BRWD1: variants seen among roughly 807,000 people sequenced by gnomAD.
BRWD1 encodes the protein bromodomain and WD repeat-containing protein 1.
Under a neutral mutation model 251.2 loss-of-function variants are expected in BRWD1, and 82 were observed. The ratio of observed to expected loss-of-function variants is 0.33; its 90% CI spans 0.27 to 0.39. The LOEUF is 0.39. BRWD1 is among the 10% of genes least tolerant of loss of function. BRWD1 has a pLI of 1.00. For missense variants in BRWD1, 2,233 were observed against 2,711.6 expected, an observed-to-expected ratio of 0.82 and a Z score of 3.92; for synonymous variants, 918 against 902.8, an observed-to-expected ratio of 1.02 and a Z score of -0.30.
chr21:39,185,295 T>TTAAAAAAAAAAAAAA (rs369755854), downstream of BRWD1: 1 of 71,838 alleles, frequency 1.4e-5, no homozygotes, highest in Non-Finnish European at 2.8e-5. Context: ...CTGAAATTGC[T>TTAAAAAAAAAAAAAA]AAAAAAAAAA....
At chr21:39,288,583 A>G (rs904615551) in intron 8 of BRWD1, among the ~76,000 whole-genome samples, 10 of 152,354 alleles carry the variant, frequency 6.6e-5, no homozygotes, top group Admixed American at 5.2e-4. Context: ...CCCCCCAGGC[A>G]GTTGAAAATC....
At chr21:39,223,107 C>T (rs1351592460) in intron 29 of BRWD1, among the ~76,000 whole-genome samples, 1 of 151,962 alleles carries the variant, frequency 6.6e-6, no homozygotes. Flanking sequence ...ATGACAAATC[C>T]AAAATGTGAA....
Position 39,195,328 on chromosome 21 carries a change from TTAAA to T in BRWD1, c.*927_*930del. ...AGATGGGGGAAACCTACATATTAAC[TTAAA>T]TACTCTTTTAGCCCTGTACACTCTA... On this transcript the variant is annotated 3_prime_UTR_variant, in exon 41 of 41. Transcript: ENST00000342449. The T allele has an allele frequency of 1.0e-6, 1 of 999,778 alleles. No individual in the cohort carries two copies. Among genetic ancestry groups the T allele is most frequent in the Non-Finnish European group, 1.2e-6 (1 of 839,238 alleles). 61.9% of individuals were successfully genotyped at this position (999,778 alleles called of 1,614,324 possible). A position where few individuals can be genotyped will look rare whatever the true frequency, so the allele number is the denominator to read the frequency against.
chr21:39,286,016 C>CTTTTTTTTTTTTTTTTT (rs57151774), intron 8 of BRWD1, among the ~76,000 whole-genome samples: 2 of 104,774 alleles, frequency 1.9e-5, no homozygotes, highest in East Asian at 2.5e-4. Flanking sequence ...ACCATATGAA[C>CTTTTTTTTTTTTTTTTT]TTTTTTTTTT....
At chr21:39,252,761 T>C (rs1282085584) in intron 19 of BRWD1, among the ~76,000 whole-genome samples, 1 of 152,230 alleles carries the variant, frequency 6.6e-6, no homozygotes, top group Non-Finnish European at 1.5e-5. Context: ...AAATAGATAC[T>C]GTGTTACCTA....
rs568623854 is a variant in BRWD1, at chr21:39,244,748, G to A, written c.2481+2953C>T. Among the ~76,000 whole-genome samples the A allele has an allele frequency of 2.6e-5, 4 of 151,786 alleles. No homozygotes were observed. The South Asian group carries it at 6.2e-4, about 24-fold the overall frequency. ...TGGGCAAATTCAAGGTACTTGAGGC[G>A]GAGAGGTTGGAACAGAGCTGCATGG... On this transcript the variant is annotated intron_variant, in intron 21 of 40. Transcript: ENST00000342449.
At chr21:39,292,973 T>C (rs1271071687) in intron 8 of BRWD1, among the ~76,000 whole-genome samples, 3 of 151,912 alleles carry the variant, frequency 2.0e-5, no homozygotes, top group Non-Finnish European at 2.9e-5. Flanking sequence ...ACCGTCACTA[T>C]GAAAAAAAGT....
chr21:39,276,139 AAC>A (rs149667995), intron 12 of BRWD1, 32 bp downstream of exon 12: 8,992 of 1,422,304 alleles, frequency 6.3e-3, no homozygotes, highest in South Asian at 0.016. Context: ...TTTGCCTAAT[AAC>A]ACACACACAC....
At chr21:39,203,782 A>T (rs1601256089) in intron 37 of BRWD1, among the ~76,000 whole-genome samples, 1 of 150,434 alleles carries the variant, frequency 6.6e-6, no homozygotes, top group African/African-American at 2.4e-5. Context: ...GTTAATCACA[A>T]TTCTTTAAAG....
intron 17 of BRWD1, among the ~76,000 whole-genome samples, chr21:39,261,574 A>G (rs1028265493): frequency 6.6e-6 from 1 of 152,218 alleles, no homozygotes; most frequent in Non-Finnish European, 1.5e-5. Context: ...AAAAAAATAA[A>G]TATCTCAGTA....
chr21:39,271,135 A>C (rs1215634366), intron 13 of BRWD1, among the ~76,000 whole-genome samples: 1 of 151,892 alleles, frequency 6.6e-6, no homozygotes, highest in African/African-American at 2.4e-5. Context: ...TCTACTAAAA[A>C]TACAACATTA....
At chr21:39,298,310 A>G in intron 5 of BRWD1, 122 bp downstream of exon 5, 1 of 1,350,898 alleles carries the variant, frequency 7.4e-7, no homozygotes, top group Non-Finnish European at 9.6e-7. Context: ...AGAATTTTAT[A>G]GTCCACAGCA....
intron 29 of BRWD1, among the ~76,000 whole-genome samples, chr21:39,220,909 G>A (rs991068947): frequency 6.6e-6 from 1 of 152,016 alleles, no homozygotes; most frequent in Non-Finnish European, 1.5e-5. Flanking sequence ...TGTAATCCTA[G>A]CACTTTGGGA....
intron 8 of BRWD1, among the ~76,000 whole-genome samples, chr21:39,280,855 A>C (rs552829454): frequency 1.3e-5 from 2 of 152,318 alleles, no homozygotes; most frequent in African/African-American, 4.8e-5. Context: ...CAAAGCCATA[A>C]AATAAGGAAA....
At chr21:39,296,129 G>C in intron 6 of BRWD1, 136 bp downstream of exon 6, 1 of 679,098 alleles carries the variant, frequency 1.5e-6, no homozygotes. Flanking sequence ...ACAATAATTT[G>C]ACATTTGATA....
chr21:39,204,181 T>TACC (rs908213117), intron 37 of BRWD1, among the ~76,000 whole-genome samples: 2 of 143,344 alleles, frequency 1.4e-5, no homozygotes, highest in Non-Finnish European at 3.0e-5. Context: ...AGTGATCTGA[T>TACC]ACCACCACCA....
At chr21:39,200,073 C>T in intron 39 of BRWD1, 146 bp downstream of exon 39, 1 of 852,350 alleles carries the variant, frequency 1.2e-6, no homozygotes, top group Non-Finnish European at 1.7e-6. Flanking sequence ...TTTTTAATGC[C>T]AAAATTCATT....
chr21:39,251,844 G>A (rs2034405230), intron 19 of BRWD1, among the ~76,000 whole-genome samples: 1 of 152,144 alleles, frequency 6.6e-6, no homozygotes, highest in Admixed American at 6.6e-5. Context: ...ACATACAATT[G>A]ATTCTCAATC....
chr21:39,297,743 C>T (rs1489795082), intron 5 of BRWD1: 3 of 479,254 alleles, frequency 6.3e-6, no homozygotes, highest in Admixed American at 6.4e-5. Context: ...AGCAATAGCT[C>T]GTAATAAAAA....
Sources: allele counts gnomAD v4.1 joint callset (sites outside exome capture counted in the v4.1 genomes callset), GRCh38; gene constraint gnomAD v4.1.1; transcripts MANE v1.5; gene names NCBI Gene and HGNC (gene_info 2026-07-23, HGNC 2026-07-21).